ARSJ: variants seen among roughly 807,000 people sequenced by gnomAD.
ARSJ encodes the protein arylsulfatase J.
ARSJ carries 26 observed loss-of-function variants against 35.9 expected under a neutral mutation model. The ratio of observed to expected loss-of-function variants is 0.72; its 90% CI spans 0.53 to 1.00. The LOEUF (loss-of-function observed/expected upper bound fraction) is 1.00. Among genes scored for constraint, ARSJ ranks in the 50% least tolerant of loss-of-function variants. The probability of loss-of-function intolerance (pLI) is 0.00; values close to 1 mark genes in which losing one functional copy is unlikely to be tolerated. For synonymous variants in ARSJ, 294 were observed against 267.6 expected, an observed-to-expected ratio of 1.10 and a Z score of -0.96; for missense variants, 667 against 723.6, an observed-to-expected ratio of 0.92 and a Z score of 0.90.
chr4:113,956,729 G>A (rs1475819396), intron 1 of ARSJ, among the ~76,000 whole-genome samples: 1 of 152,034 alleles, frequency 6.6e-6, no homozygotes, highest in Non-Finnish European at 1.5e-5. Flanking sequence ...AAAAGTATGA[G>A]AAAGAGATTA....
intron 1 of ARSJ, among the ~76,000 whole-genome samples, chr4:113,955,214 T>C (rs1726102141): frequency 1.3e-5 from 2 of 151,954 alleles, no homozygotes; most frequent in South Asian, 4.1e-4. Flanking sequence ...TTTCCATAGA[T>C]CCAATGGCAC....
chr4:113,950,650 GAAGT>G (rs1725810039), intron 1 of ARSJ, among the ~76,000 whole-genome samples: 2 of 152,038 alleles, frequency 1.3e-5, no homozygotes, highest in African/African-American at 4.8e-5. Flanking sequence ...GCAAATTCTG[GAAGT>G]ATATAAATTC....
At chr4:113,920,995 A>G (rs1723637188) in intron 1 of ARSJ, among the ~76,000 whole-genome samples, 1 of 152,082 alleles carries the variant, frequency 6.6e-6, no homozygotes, top group Admixed American at 6.6e-5. Context: ...GACATGAGAT[A>G]GCTGGACTGT....
chr4:113,969,371 T>C (rs1390019546), intron 1 of ARSJ, among the ~76,000 whole-genome samples: 1 of 152,182 alleles, frequency 6.6e-6, no homozygotes, highest in East Asian at 1.9e-4. Flanking sequence ...TAACCCTTTT[T>C]TTAATCAACA....
chr4:113,915,334 G>C (rs986371283), intron 1 of ARSJ, among the ~76,000 whole-genome samples: 3 of 152,054 alleles, frequency 2.0e-5, no homozygotes, highest in African/African-American at 7.2e-5. Context: ...TAAGCAATTA[G>C]TCCTGGCAGA....
At chr4:113,967,241 C>A (rs1157555639) in intron 1 of ARSJ, among the ~76,000 whole-genome samples, 3 of 152,190 alleles carry the variant, frequency 2.0e-5, no homozygotes, top group South Asian at 2.1e-4. Context: ...AAAGCTTACA[C>A]AAGGTAAACC....
rs766364914 is a variant in ARSJ at position 113,903,641 on chromosome 4, T to C, written c.433A>G (p.Ile145Val). Residue 145 changes from isoleucine to valine, a missense_variant, in exon 2 of 2, where the codon ATA becomes GTA. Ile to Val is a conservative substitution (Grantham distance 29). Transcript: ENST00000315366. ...QIHTGLQHSI[I>V]RPTQPNCLPL... ...AAACAGTTGGGTTGGGTAGGTCTTATGATAGAATGTTGAAGTCCGGTGTGT... is the reference window on the plus strand; with the variant it reads ...AAACAGTTGGGTTGGGTAGGTCTTACGATAGAATGTTGAAGTCCGGTGTGT... 6.2e-7 allele frequency: 1 copy of C among 1,613,840 alleles called. No homozygotes were observed. The highest frequency in any genetic ancestry group is 8.5e-7 in the Non-Finnish European group (1 of 1,179,766).
intron 1 of ARSJ, among the ~76,000 whole-genome samples, chr4:113,924,066 AATATATATAAATATATATAT>A (rs1723876818): frequency 1.6e-4 from 17 of 107,452 alleles, no homozygotes; most frequent in East Asian, 7.0e-4. Flanking sequence ...AATATATATA[AATATATATAAATATATATAT>A]ATATATATAT....
At chr4:113,910,522 G>C (rs1227202632) in intron 1 of ARSJ, among the ~76,000 whole-genome samples, 1 of 152,024 alleles carries the variant, frequency 6.6e-6, no homozygotes, top group Non-Finnish European at 1.5e-5. Flanking sequence ...AATATCACTT[G>C]GATATTTATG....
chr4:113,916,225 G>A (rs1292695856), intron 1 of ARSJ, among the ~76,000 whole-genome samples: 1 of 152,172 alleles, frequency 6.6e-6, no homozygotes, highest in Non-Finnish European at 1.5e-5. Context: ...AGCATGTATT[G>A]TGGAAACAAT....
At chr4:113,970,292 C>A (rs1229521543) in intron 1 of ARSJ, among the ~76,000 whole-genome samples, 2 of 152,034 alleles carry the variant, frequency 1.3e-5, no homozygotes, top group Non-Finnish European at 2.9e-5. Flanking sequence ...TCATAGGAGG[C>A]AGAATGGGGT....
At chr4:113,952,781 C>T (rs1192896092) in intron 1 of ARSJ, among the ~76,000 whole-genome samples, 1 of 152,002 alleles carries the variant, frequency 6.6e-6, no homozygotes, top group African/African-American at 2.4e-5. Context: ...ATATGGTTCA[C>T]ATAAGAACAG....
chr4:113,937,593 T>C (rs1295894934), intron 1 of ARSJ, among the ~76,000 whole-genome samples: 1 of 151,964 alleles, frequency 6.6e-6, no homozygotes, highest in Admixed American at 6.6e-5. Flanking sequence ...ACAGAGGAGG[T>C]CAAATTGTCT....
intron 1 of ARSJ, among the ~76,000 whole-genome samples, chr4:113,969,506 T>C (rs780708913): frequency 1.3e-5 from 2 of 152,190 alleles, no homozygotes; most frequent in Non-Finnish European, 2.9e-5. Context: ...TAAAATAATG[T>C]TTACTTTAAA....
At chr4:113,973,193 AC>A in intron 1 of ARSJ, among the ~76,000 whole-genome samples, 1 of 152,236 alleles carries the variant, frequency 6.6e-6, no homozygotes, top group South Asian at 2.1e-4. Flanking sequence ...AAGATGTTTT[AC>A]CCCATCTGAC....
chr4:113,903,775 T>C (rs2099667881), intron 1 of ARSJ, 100 bp from the exon 2 acceptor site: 2 of 1,418,150 alleles, frequency 1.4e-6, no homozygotes, highest in Non-Finnish European at 1.9e-6. Flanking sequence ...ATGGGCATCA[T>C]TGTTAAATTA....
At chr4:113,966,300 T>C (rs1010428085) in intron 1 of ARSJ, among the ~76,000 whole-genome samples, 3 of 152,084 alleles carry the variant, frequency 2.0e-5, no homozygotes, top group Non-Finnish European at 4.4e-5. Flanking sequence ...TATTTTTAGA[T>C]AGAAGGAACT....
At chr4:113,974,429 A>C (rs12501970) in intron 1 of ARSJ, among the ~76,000 whole-genome samples, 48,782 of 151,964 alleles carry the variant, frequency 0.32, 7,966 homozygotes, top group Admixed American at 0.36. Context: ...TTGCAATACA[A>C]ATATCTAACA....
rs1251830888 is a variant in ARSJ, at chr4:113,961,895, CTCTGTG to C, written c.398+16536_398+16541del. On this transcript the variant is annotated intron_variant, in intron 1 of 1. Transcript: ENST00000315366. The stretch of plus-strand genomic sequence containing the variant: ...TGCCTGTGTTTGTCTCTCTCTCTCT[CTCTGTG>C]TGTGTGTGTGTGTGTGTGTGTGTGT... 1.4e-3 allele frequency among the ~76,000 whole-genome samples: 165 copies of C among 122,092 alleles called. 1 individual carries two copies. Among genetic ancestry groups the C allele is most frequent in the Admixed American group, 1.5e-3 (18 of 11,820 alleles). The allele number at this position is 122,092 out of a possible 152,430, so 80.1% of individuals were successfully genotyped here. A position where few individuals can be genotyped will look rare whatever the true frequency, so the allele number is the denominator to read the frequency against.
Sources: gnomAD v4.1 joint callset for allele counts (sites outside exome capture counted in the v4.1 genomes callset) on GRCh38, gnomAD v4.1.1 for gene constraint, MANE v1.5 for transcripts, NCBI Gene and HGNC (gene_info 2026-07-23, HGNC 2026-07-21) for gene names.